Variants in PVT1 observed in about 807,000 individuals in gnomAD.
The protein encoded by PVT1 is Pvt1 oncogene.
rs57327175 is a variant in PVT1 at position 128,022,862 on chromosome 8, A to ATT, written n.912+33592_912+33593dup. Among the ~76,000 whole-genome samples, 120 of 133,984 alleles carry ATT rather than the reference A, an allele frequency of 9.0e-4. 2 individuals are homozygous for ATT. Among genetic ancestry groups the ATT allele is most frequent in the Admixed American group, 2.2e-3 (28 of 12,926 alleles). 87.9% of individuals were successfully genotyped at this position (133,984 alleles called of 152,430 possible). ...GTTAGTAAACATGACGCAAGCTGAG[A>ATT]TTTTTTTTTTTTTTTTTTTTTTAAG... On this transcript the variant is annotated intron_variant and non_coding_transcript_variant, in intron 4 of 10. Coordinates refer to ENST00000651587, the Ensembl canonical transcript of PVT1.
At chr8:127,815,277 C>A (rs987380394) in intron 2 of PVT1, among the ~76,000 whole-genome samples, 2 of 152,212 alleles carry the variant, frequency 1.3e-5, no homozygotes, top group African/African-American at 4.8e-5. Context: ...TTAGTGTAAT[C>A]TTTCAAAGGT....
intron 2 of PVT1, among the ~76,000 whole-genome samples, chr8:127,884,467 A>G (rs1256537315): frequency 6.6e-6 from 1 of 152,228 alleles, no homozygotes; most frequent in Non-Finnish European, 1.5e-5. Context: ...ATGCACACAT[A>G]TCTGTGCATT....
intron 4 of PVT1, among the ~76,000 whole-genome samples, chr8:128,036,259 G>T (rs1346431332): frequency 2.0e-5 from 3 of 152,212 alleles, no homozygotes; most frequent in African/African-American, 7.2e-5. Context: ...TAAAATAAGG[G>T]TAATAGTGAT....
intron 6 of PVT1, among the ~76,000 whole-genome samples, chr8:128,097,785 C>T (rs1237438627): frequency 6.6e-6 from 1 of 152,178 alleles, no homozygotes; most frequent in African/African-American, 2.4e-5. Flanking sequence ...GTCCATACTT[C>T]CTAGCTGCAC....
chr8:127,825,548 T>C (rs1011605967), intron 2 of PVT1, among the ~76,000 whole-genome samples: 17 of 152,170 alleles, frequency 1.1e-4, no homozygotes, highest in African/African-American at 4.1e-4. Context: ...GGGGCACAGC[T>C]TTGAAGGGCA....
chr8:127,897,345 A>G (rs960165564), intron 3 of PVT1, among the ~76,000 whole-genome samples: 1 of 152,194 alleles, frequency 6.6e-6, no homozygotes, highest in Non-Finnish European at 1.5e-5. Flanking sequence ...GGCTATCTTA[A>G]GAGGAGGGAG....
At chr8:127,909,204 G>A (rs1011742726) in intron 3 of PVT1, among the ~76,000 whole-genome samples, 8 of 152,246 alleles carry the variant, frequency 5.3e-5, no homozygotes, top group African/African-American at 1.9e-4. Flanking sequence ...AAAGGGAAAT[G>A]GGTCACGCAG....
intron 5 of PVT1, among the ~76,000 whole-genome samples, chr8:128,086,071 G>T (rs1486708008): frequency 6.6e-6 from 1 of 152,212 alleles, no homozygotes; most frequent in Non-Finnish European, 1.5e-5. Flanking sequence ...AATGTATTTT[G>T]CAAAAGGGAT....
intron 4 of PVT1, among the ~76,000 whole-genome samples, chr8:128,023,650 T>C (rs1817462744): frequency 6.6e-6 from 1 of 152,262 alleles, no homozygotes. Flanking sequence ...CTGATTTCTC[T>C]ATTCAGAACA....
chr8:127,968,098 A>C (rs1816722961), intron 3 of PVT1, among the ~76,000 whole-genome samples: 1 of 152,034 alleles, frequency 6.6e-6, no homozygotes, highest in South Asian at 2.1e-4. Context: ...TGCCTGGCTG[A>C]CTCCATACAC....
intron 2 of PVT1, among the ~76,000 whole-genome samples, chr8:127,810,143 G>C (rs552688762): frequency 6.6e-6 from 1 of 152,344 alleles, no homozygotes; most frequent in African/African-American, 2.4e-5. Flanking sequence ...GGCCTGGGGG[G>C]CCACCCCCTG....
At chr8:128,074,547 C>T (rs960604348) in intron 5 of PVT1, among the ~76,000 whole-genome samples, 1 of 151,168 alleles carries the variant, frequency 6.6e-6, no homozygotes, top group African/African-American at 2.4e-5. Flanking sequence ...GGGGGGGGCT[C>T]CTTCCCACTC....
chr8:127,854,222 G>A (rs12541115), intron 2 of PVT1, among the ~76,000 whole-genome samples: 10,019 of 152,266 alleles, frequency 0.066, 421 homozygotes, highest in African/African-American at 0.11. Flanking sequence ...TGCCAGCTGC[G>A]TAAGTCTCCG....
intron 4 of PVT1, among the ~76,000 whole-genome samples, chr8:128,003,214 C>A (rs574667767): frequency 3.6e-5 from 5 of 137,270 alleles, no homozygotes; most frequent in African/African-American, 8.3e-5. Flanking sequence ...ATCCTGCCTC[C>A]CTCCCTCCCT....
intron 6 of PVT1, among the ~76,000 whole-genome samples, chr8:128,098,230 T>C (rs1009561238): frequency 7.2e-5 from 11 of 152,088 alleles, no homozygotes; most frequent in African/African-American, 2.7e-4. Flanking sequence ...GCTGACCCTC[T>C]CTCATCCCCA....
At chr8:127,852,753 C>T (rs1815118172) in intron 2 of PVT1, among the ~76,000 whole-genome samples, 1 of 152,174 alleles carries the variant, frequency 6.6e-6, no homozygotes, top group African/African-American at 2.4e-5. Flanking sequence ...CCCAGCCCTC[C>T]TCCCTCTCCA....
chr8:128,083,675 T>G (rs1370323014), intron 5 of PVT1, among the ~76,000 whole-genome samples: 1 of 152,202 alleles, frequency 6.6e-6, no homozygotes, highest in East Asian at 1.9e-4. Context: ...TCTTTCCAAC[T>G]AGTGGTTTAT....
intron 4 of PVT1, among the ~76,000 whole-genome samples, chr8:128,019,920 A>G (rs548971647): frequency 1.4e-4 from 21 of 152,292 alleles, no homozygotes; most frequent in African/African-American, 3.1e-4. Context: ...TGTTCTTCCA[A>G]TGACCTGTAG....
chr8:127,991,524 C>A (rs1197103879), intron 4 of PVT1, among the ~76,000 whole-genome samples: 1 of 152,082 alleles, frequency 6.6e-6, no homozygotes, highest in Non-Finnish European at 1.5e-5. Context: ...GATCCCCATG[C>A]CCTGCTGCAC....
Sources: allele counts gnomAD v4.1 joint callset (sites outside exome capture counted in the v4.1 genomes callset), GRCh38; gene constraint gnomAD v4.1.1; transcripts MANE v1.5; gene names NCBI Gene and HGNC (gene_info 2026-07-23, HGNC 2026-07-21).